WNT4: variants seen among roughly 807,000 people sequenced by gnomAD.
The protein encoded by WNT4 is Wnt family member 4.
In WNT4, 16 loss-of-function variants were observed where a neutral mutation model predicts 34.5. The ratio of observed to expected loss-of-function variants is 0.46; its 90% CI spans 0.31 to 0.70. The LOEUF is 0.70. WNT4 is among the 30% of genes least tolerant of loss of function. WNT4 has a pLI of 0.04. For missense variants in WNT4, 379 were observed against 495.9 expected, an observed-to-expected ratio of 0.76 and a Z score of 2.24; for synonymous variants, 200 against 211.9, an observed-to-expected ratio of 0.94 and a Z score of 0.49.
chr1:22,128,264 G>A (rs1645955226), intron 2 of WNT4, among the ~76,000 whole-genome samples: 1 of 152,212 alleles, frequency 6.6e-6, no homozygotes, highest in Admixed American at 6.5e-5. Flanking sequence ...CGGCCGTCCA[G>A]GACCACAGGT....
chr1:22,132,677 G>A (rs742358), intron 1 of WNT4, among the ~76,000 whole-genome samples: 80,632 of 152,088 alleles, frequency 0.53, 21,890 homozygotes, highest in Non-Finnish European at 0.57. Flanking sequence ...AATGACAGTC[G>A]CAGGGGCTTA....
Position 22,142,894 on chromosome 1 carries a change from A to G in WNT4, c.29T>C (p.Leu10Pro). MSPRSCLRS[L>P]RLLVFAVFSA... ...GAAGACGGCGAAGACGAGGAGGCGC[A>G]GCGAACGCAGGCACGAGCGGGGACT... Residue 10 changes from leucine (L) to proline (P), a missense_variant, in exon 1 of 5, where the codon CTG becomes CCG. Physicochemically the swap from Leu to Pro is moderately conservative, Grantham distance 98 (BLOSUM62 -3). This residue lies in a region of WNT4 where 66 missense variants were observed against 50.1 expected (regional missense o/e 1.32). Transcript: ENST00000290167. This position sits in a 1 kb window ranked among gnomAD's most constrained non-coding sequence, Gnocchi z 6.0. The G allele has an allele frequency of 2.5e-6, 3 of 1,208,946 alleles. No individual in the cohort carries two copies. Among genetic ancestry groups the G allele is most frequent in the Non-Finnish European group, 2.1e-6 (2 of 944,780 alleles). 74.9% of individuals were successfully genotyped at this position (1,208,946 alleles called of 1,614,324 possible). A position where few individuals can be genotyped will look rare whatever the true frequency, so the allele number is the denominator to read the frequency against.
At chr1:22,141,484 G>A (rs1169358822) in intron 1 of WNT4, among the ~76,000 whole-genome samples, 1 of 152,158 alleles carries the variant, frequency 6.6e-6, no homozygotes, top group Non-Finnish European at 1.5e-5. Context: ...TGGCCTGCAG[G>A]GGGGCAGTGG....
chr1:22,133,262 C>T (rs550294621), intron 1 of WNT4, among the ~76,000 whole-genome samples: 7 of 152,190 alleles, frequency 4.6e-5, no homozygotes, highest in East Asian at 1.9e-4. Context: ...TCTGTCCTGA[C>T]GGGGTTCCCT....
At position 22,142,949 on chromosome 1, in the gene WNT4, G is replaced by T; in HGVS notation, c.-27C>A. On this transcript the variant is annotated 5_prime_UTR_variant, in exon 1 of 5. Coordinates refer to ENST00000290167, the MANE Select transcript of WNT4 (RefSeq NM_030761.5). The surrounding 1 kb of genome is among the most constrained non-coding windows in gnomAD (Gnocchi z 6.0). ...GTGCCGCCGCGGGCGCCCGGCCCGG[G>T]GCAGCGGCTGCGGCCGCGGGGGGCC... 9.6e-7 allele frequency: 1 copy of T among 1,042,388 alleles called. No individual in the cohort carries two copies. The highest frequency in any genetic ancestry group is 1.2e-6 in the Non-Finnish European group (1 of 864,950). The allele number at this position is 1,042,388 out of a possible 1,614,324, so 64.6% of individuals were successfully genotyped here. A position where few individuals can be genotyped will look rare whatever the true frequency, so the allele number is the denominator to read the frequency against.
intron 1 of WNT4, among the ~76,000 whole-genome samples, chr1:22,131,836 T>C (rs1645986129): frequency 6.6e-6 from 1 of 151,964 alleles, no homozygotes; most frequent in African/African-American, 2.4e-5. Flanking sequence ...CCCTCCTTCC[T>C]ATCTACCAGG....
rs1375604923 is a variant in WNT4, at chr1:22,137,465, G to A, written c.77+5381C>T. Among the ~76,000 whole-genome samples, 1 of 152,210 alleles carries A rather than the reference G, an allele frequency of 6.6e-6. No homozygotes were observed. The highest frequency in any genetic ancestry group is 2.4e-5 in the African/African-American group (1 of 41,454). ...CTGTCACCCCACCCATGGCTCCCTG[G>A]CCAATCTGCGCCCCACTGGCTAAGC... On this transcript the variant is annotated intron_variant, in intron 1 of 4. Coordinates refer to ENST00000290167, the MANE Select transcript of WNT4 (RefSeq NM_030761.5). This position sits in a 1 kb window ranked among gnomAD's most constrained non-coding sequence, Gnocchi z 5.3.
chr1:22,129,320 C>T (rs1645964502), intron 2 of WNT4, among the ~76,000 whole-genome samples: 1 of 152,196 alleles, frequency 6.6e-6, no homozygotes. Context: ...TAATTACCTG[C>T]TTACGCTTCC....
chr1:22,120,347 C>G lies in WNT4; in HGVS notation c.759G>C (p.Arg253Ser), dbSNP rs201175862. Residue 253 changes from arginine (R) to serine (S), a missense_variant, in exon 5 of 5, where the codon AGG becomes AGC. Around this residue, in one of 2 missense-constraint regions of WNT4, gnomAD observed 313 missense variants for 445.8 expected, o/e 0.70. Coordinates refer to ENST00000290167, the MANE Select transcript of WNT4 (RefSeq NM_030761.5). ...EVEPRRVGSS[R>S]ALVPRNAQFK... is the part of the protein sequence containing the mutation. ...ACTGTGCGTTGCGTGGCACCAGTGC[C>G]CTGGAGGAGCCCACGCGGCGTGGCT... is the stretch of plus-strand genomic sequence containing the variant. 1 of 1,614,244 alleles carries G rather than the reference C, an allele frequency of 6.2e-7. No individual in the cohort carries two copies. The highest frequency in any genetic ancestry group is 2.2e-5 in the East Asian group (1 of 44,884).
chr1:22,123,454 G>A (rs762495007), intron 2 of WNT4, among the ~76,000 whole-genome samples: 5 of 152,040 alleles, frequency 3.3e-5, no homozygotes, highest in Admixed American at 1.3e-4. Flanking sequence ...TTCTCAGCTC[G>A]GGAGTGGTCC....
At chr1:22,128,433 C>T (rs1454363401) in intron 2 of WNT4, among the ~76,000 whole-genome samples, 3 of 152,298 alleles carry the variant, frequency 2.0e-5, no homozygotes, top group African/African-American at 4.8e-5. Flanking sequence ...GGAGCTTGGC[C>T]GGCGACCTCT....
Position 22,142,317 on chromosome 1 carries a change from CTTCT to C in WNT4, c.77+525_77+528del, listed in dbSNP as rs758866202. 5.3e-5 allele frequency among the ~76,000 whole-genome samples: 8 copies of C among 152,194 alleles called. No individual in the cohort carries two copies. Among genetic ancestry groups the C allele is most frequent in the Middle Eastern group, 3.4e-3 (1 of 292 alleles). ...GGAGACCAGGCGTCCTGGTCCCTTC[CTTCT>C]GTCTCCGGCTCCCGCCCCCCAAGCA... On this transcript the variant is annotated intron_variant, in intron 1 of 4. Coordinates refer to ENST00000290167, the MANE Select transcript of WNT4 (RefSeq NM_030761.5). The surrounding 1 kb of genome is among the most constrained non-coding windows in gnomAD (Gnocchi z 6.0).
intron 1 of WNT4, among the ~76,000 whole-genome samples, chr1:22,132,683 GC>G (rs1474750505): frequency 6.6e-6 from 1 of 152,198 alleles, no homozygotes; most frequent in Non-Finnish European, 1.5e-5. Context: ...AGTCGCAGGG[GC>G]TTAGGGTGAG....
chr1:22,142,900 C>T lies in WNT4; in HGVS notation c.23G>A (p.Arg8His). The change falls in exon 1 of 5, where the codon CGT becomes CAT. Residue 8 changes from arginine to histidine, a missense_variant. By Grantham distance (29) the Arg-to-His change is conservative (BLOSUM62 0). This residue lies in a region of WNT4 where 66 missense variants were observed against 50.1 expected (regional missense o/e 1.32). Transcript: ENST00000290167. The surrounding 1 kb of genome is among the most constrained non-coding windows in gnomAD (Gnocchi z 6.0). ...GGCGAAGACGAGGAGGCGCAGCGAA[C>T]GCAGGCACGAGCGGGGACTCATGGT... MSPRSCL[R>H]SLRLLVFAVF... The T allele has an allele frequency of 2.5e-6, 3 of 1,208,326 alleles. No homozygotes were observed. The highest frequency in any genetic ancestry group is 1.4e-5 in the South Asian group (1 of 72,764). 74.9% of individuals were successfully genotyped at this position (1,208,326 alleles called of 1,614,324 possible).
chr1:22,120,570 G>T, intron 4 of WNT4, 53 bp from the exon 5 acceptor site: 2 of 1,548,702 alleles, frequency 1.3e-6, no homozygotes, highest in South Asian at 1.2e-5. Flanking sequence ...AGGGAAGGCA[G>T]GGGAGGGCCG....
chr1:22,123,370 C>T (rs930089253), intron 2 of WNT4, among the ~76,000 whole-genome samples: 2 of 151,402 alleles, frequency 1.3e-5, no homozygotes, highest in African/African-American at 4.9e-5. Context: ...CTGCCTCATT[C>T]CCCAAACCAA....
rs1318074046 is a variant in WNT4 at position 22,120,224 on chromosome 1, G to C, written c.882C>G (p.Arg294=). 1.1e-5 allele frequency: 18 copies of C among 1,613,972 alleles called. No homozygotes were observed. The highest frequency in any genetic ancestry group is 1.4e-5 in the Non-Finnish European group (16 of 1,180,018). Reference sequence around the variant, plus strand: ...TGGCCTTGGACGTCTTGTTGCATGTGCGGCCCCTCGTGCCCAGCACGCCGC... The same window carrying C: ...TGGCCTTGGACGTCTTGTTGCATGTCCGGCCCCTCGTGCCCAGCACGCCGC... The part of the protein sequence containing the change: ...MRSGVLGTRG[R]TCNKTSKAID... Residue 294 remains arginine (R), a synonymous_variant, in exon 5 of 5, where the codon CGC becomes CGG. Coordinates refer to ENST00000290167, the MANE Select transcript of WNT4 (RefSeq NM_030761.5).
chr1:22,125,434 T>C (rs1645932863), intron 2 of WNT4, among the ~76,000 whole-genome samples: 1 of 152,012 alleles, frequency 6.6e-6, no homozygotes, highest in African/African-American at 2.4e-5. Flanking sequence ...GATGCCAATA[T>C]TGAGGATAAA....
Position 22,134,735 on chromosome 1 carries a change from GCTCA to G in WNT4, c.78-4888_78-4885del, listed in dbSNP as rs1160598180. 1.3e-5 allele frequency among the ~76,000 whole-genome samples: 2 copies of G among 152,170 alleles called. No individual in the cohort carries two copies. The highest frequency in any genetic ancestry group is 4.8e-5 in the African/African-American group (2 of 41,438). ...ATTGTCCTAGCAGCACCTTCAAGAT[GCTCA>G]CTGTCATCGGTGCCGTCACCACCCC... On this transcript the variant is annotated intron_variant, in intron 1 of 4. Transcript: ENST00000290167. The surrounding 1 kb of genome is among the most constrained non-coding windows in gnomAD (Gnocchi z 4.1).
Sources: gnomAD v4.1 joint callset for allele counts (sites outside exome capture counted in the v4.1 genomes callset) on GRCh38, gnomAD v4.1.1 for gene constraint, gnomAD v4.1.1 regional missense constraint, Gnocchi (gnomAD v3.1) non-coding constraint, MANE v1.5 for transcripts, NCBI Gene and HGNC (gene_info 2026-07-23, HGNC 2026-07-21) for gene names.